RRM2: variants seen among roughly 807,000 people sequenced by gnomAD.
RRM2 encodes the protein ribonucleoside-diphosphate reductase subunit M2.
A neutral mutation model predicts 45.9 loss-of-function variants in RRM2; 6 were observed. The ratio of observed to expected loss-of-function variants is 0.13; its 90% CI spans 0.07 to 0.26. The LOEUF (loss-of-function observed/expected upper bound fraction) is 0.26. RRM2 is among the 10% of genes least tolerant of loss of function. RRM2 has a pLI of 1.00. For missense variants in RRM2, 343 were observed against 489.5 expected (o/e 0.70, Z 2.82); for synonymous variants, 177 against 173.0 (o/e 1.02, Z -0.18).
At chr2:10,182,887 T>C (rs888141917) in intron 3 of RRM2, among the ~76,000 whole-genome samples, 1 of 151,926 alleles carries the variant, frequency 6.6e-6, no homozygotes, top group African/African-American at 2.4e-5. Flanking sequence ...CTTTTAAAAG[T>C]GGGAGAGTGG....
chr2:10,178,913 C>T lies in RRM2; in HGVS notation n.483-31398C>T, dbSNP rs368226420. Among the ~76,000 whole-genome samples the T allele has an allele frequency of 3.9e-5, 6 of 152,242 alleles. No individual in the cohort carries two copies. The East Asian group carries it at 1.2e-3, about 29-fold the overall frequency. ...ACGTGAGGACACAGCAACAAACTGCCGTCTATGAATCAGAGAGCCCTCAAC... is the reference window on the plus strand; with the variant it reads ...ACGTGAGGACACAGCAACAAACTGCTGTCTATGAATCAGAGAGCCCTCAAC... On this transcript the variant is annotated intron_variant and non_coding_transcript_variant, in intron 3 of 3. Coordinates refer to the RRM2 transcript ENST00000381786.
At chr2:10,154,489 G>C (rs1663382927) in intron 3 of RRM2, among the ~76,000 whole-genome samples, 1 of 111,802 alleles carries the variant, frequency 8.9e-6, no homozygotes, top group East Asian at 2.3e-4. Flanking sequence ...GACAGAGCGA[G>C]ACTCCATCTC....
At chr2:10,181,738 CTCT>C (rs1301012834) in intron 3 of RRM2, among the ~76,000 whole-genome samples, 19 of 118,990 alleles carry the variant, frequency 1.6e-4, no homozygotes, top group Non-Finnish European at 3.4e-4. Context: ...GACTGCACAG[CTCT>C]CTCTCTCTCT....
At chr2:10,152,331 A>G (rs766051009) in intron 3 of RRM2, among the ~76,000 whole-genome samples, 4 of 152,146 alleles carry the variant, frequency 2.6e-5, no homozygotes, top group Non-Finnish European at 5.9e-5. Flanking sequence ...TTTATCAGAT[A>G]TATGACTTGT....
At chr2:10,135,079 CAGAA>C (rs553254327), downstream of RRM2, among the ~76,000 whole-genome samples, 11 of 152,316 alleles carry the variant, frequency 7.2e-5, no homozygotes, top group African/African-American at 2.6e-4. Context: ...AATTATTATT[CAGAA>C]AGAAGATACA....
chr2:10,151,268 A>C (rs1663306222), intron 3 of RRM2, among the ~76,000 whole-genome samples: 1 of 150,590 alleles, frequency 6.6e-6, no homozygotes, highest in African/African-American at 2.4e-5. Context: ...GCTATGATGA[A>C]TCAAGTTGCT....
chr2:10,157,338 C>T (rs549684227), intron 3 of RRM2, among the ~76,000 whole-genome samples: 3 of 152,190 alleles, frequency 2.0e-5, no homozygotes, highest in Non-Finnish European at 4.4e-5. Context: ...CCCTAATAGA[C>T]ATTTTTTTAA....
intron 2 of RRM2, 55 bp downstream of exon 2, chr2:10,123,112 C>T: frequency 1.3e-6 from 2 of 1,503,010 alleles, no homozygotes; most frequent in Non-Finnish European, 1.8e-6. Context: ...CGTCTTGGCG[C>T]CAAAGCCGCA....
chr2:10,172,417 G>A lies in RRM2; in HGVS notation n.482+30042G>A, dbSNP rs1229729318. 1.3e-5 allele frequency among the ~76,000 whole-genome samples: 2 copies of A among 152,186 alleles called. No homozygotes were observed. Among genetic ancestry groups the A allele is most frequent in the East Asian group, 1.9e-4 (1 of 5,194 alleles). On this transcript the variant is annotated intron_variant and non_coding_transcript_variant, in intron 3 of 3. Coordinates refer to the RRM2 transcript ENST00000381786. This position sits in a 1 kb window ranked among gnomAD's most constrained non-coding sequence, Gnocchi z 4.9. ...TGCTTCTGCAGCGCTCCTTGTCTCC[G>A]TCAGTGATTTATAGGAAGCTGGCTC...
Position 10,195,773 on chromosome 2 carries a change from G to A in RRM2, n.483-14538G>A, listed in dbSNP as rs946654515. Among the ~76,000 whole-genome samples, 5 of 152,166 alleles carry A rather than the reference G, an allele frequency of 3.3e-5. No homozygotes were observed. The highest frequency in any genetic ancestry group is 2.6e-4 in the Admixed American group (4 of 15,276). ...GGCTGAAGGCTGTCACGGTGGTCCT[G>A]TGTAGGACTGGTTGCCACAGGTAAG... On this transcript the variant is annotated intron_variant and non_coding_transcript_variant, in intron 3 of 3. Transcript: ENST00000381786. The surrounding 1 kb of genome is among the most constrained non-coding windows in gnomAD (Gnocchi z 4.9).
chr2:10,136,308 ATGC>A (rs1303787873), downstream of RRM2, among the ~76,000 whole-genome samples: 2 of 152,218 alleles, frequency 1.3e-5, no homozygotes, highest in African/African-American at 4.8e-5. Flanking sequence ...TGCGATGGAG[ATGC>A]TGGGGCCTCC....
intron 4 of RRM2, chr2:10,124,116 T>C (rs1662731432): frequency 2.9e-6 from 1 of 347,302 alleles, no homozygotes; most frequent in South Asian, 2.8e-5. Flanking sequence ...CTCTTTTTTT[T>C]TTTTTTTTTG....
chr2:10,127,917 A>G lies in RRM2; in HGVS notation c.798+697A>G, dbSNP rs950379277. Among the ~76,000 whole-genome samples the G allele has an allele frequency of 6.6e-6, 1 of 151,930 alleles. No individual in the cohort carries two copies. The highest frequency in any genetic ancestry group is 2.4e-5 in the African/African-American group (1 of 41,386). ...AGCGGTGGCTCATGCCTGTAATCCC[A>G]GCACTTTGGTAGGCCGAGGCGGGTG... On this transcript the variant is annotated intron_variant, in intron 7 of 9. Coordinates refer to ENST00000304567, the MANE Select transcript of RRM2 (RefSeq NM_001034.4). The surrounding 1 kb of genome is among the most constrained non-coding windows in gnomAD (Gnocchi z 4.1).
At chr2:10,154,246 G>A (rs1049441382) in intron 3 of RRM2, among the ~76,000 whole-genome samples, 1 of 152,136 alleles carries the variant, frequency 6.6e-6, no homozygotes, top group African/African-American at 2.4e-5. Flanking sequence ...GGCCTAGGCG[G>A]GCAGATCGCT....
At chr2:10,150,958 T>G (rs1381773483) in intron 3 of RRM2, among the ~76,000 whole-genome samples, 1 of 151,828 alleles carries the variant, frequency 6.6e-6, no homozygotes, top group African/African-American at 2.4e-5. Flanking sequence ...GGATTACAGG[T>G]GCCTGCTACC....
At chr2:10,125,071 C>T (rs1448966741) in intron 5 of RRM2, among the ~76,000 whole-genome samples, 1 of 152,162 alleles carries the variant, frequency 6.6e-6, no homozygotes, top group Non-Finnish European at 1.5e-5. Context: ...TGGATGTCTA[C>T]CAATGTAAAA....
At chr2:10,176,335 C>T (rs1388302456) in intron 3 of RRM2, among the ~76,000 whole-genome samples, 1 of 152,042 alleles carries the variant, frequency 6.6e-6, no homozygotes, top group African/African-American at 2.4e-5. Flanking sequence ...ATGGCGCAAT[C>T]TTGACTCACT....
At chr2:10,170,157 G>T (rs1363164950) in intron 3 of RRM2, among the ~76,000 whole-genome samples, 1 of 152,200 alleles carries the variant, frequency 6.6e-6, no homozygotes, top group African/African-American at 2.4e-5. Flanking sequence ...ACCTGCACCT[G>T]CCAGAACCCC....
chr2:10,168,344 G>A (rs1020601775), intron 3 of RRM2, among the ~76,000 whole-genome samples: 5 of 151,800 alleles, frequency 3.3e-5, no homozygotes, highest in Non-Finnish European at 7.4e-5. Context: ...ATTTAATAGC[G>A]GGTTCGAGAG....
Sources: gnomAD v4.1 joint callset for allele counts (sites outside exome capture counted in the v4.1 genomes callset) on GRCh38, gnomAD v4.1.1 for gene constraint, Gnocchi (gnomAD v3.1) non-coding constraint, MANE v1.5 for transcripts, NCBI Gene and HGNC (gene_info 2026-07-23, HGNC 2026-07-21) for gene names.